DNA2: variants seen among roughly 807,000 people sequenced by gnomAD.
DNA2 encodes the protein DNA replication ATP-dependent helicase/nuclease DNA2.
Under a neutral mutation model 119.1 loss-of-function variants are expected in DNA2, and 101 were observed. The observed-to-expected ratio is 0.85, with a 90% CI of 0.72 to 1.00. The LOEUF is 1.00. Ranked by LOEUF, DNA2 falls within the 50% of genes least tolerant of loss-of-function variation. DNA2 has a pLI of 0.00. For missense variants in DNA2, 1,121 were observed against 1,255.5 expected (o/e 0.89, Z 1.62); for synonymous variants, 366 against 424.4 (o/e 0.86, Z 1.69).
chr10:68,415,023 C>T lies in DNA2; in HGVS notation c.*16G>A, dbSNP rs955655395. On this transcript the variant is annotated 3_prime_UTR_variant, in exon 21 of 21. Transcript: ENST00000358410. ...GAGATACTGCCCTAGTATGAAAAGG[C>T]AAGGGAAATAGTGTTTTATTCTCTT... is the stretch of plus-strand genomic sequence containing the variant. 3.9e-6 allele frequency: 6 copies of T among 1,552,498 alleles called. No homozygotes were observed. The highest frequency in any genetic ancestry group is 5.3e-6 in the Non-Finnish European group (6 of 1,140,236).
At chr10:68,445,122 TAA>T in intron 7 of DNA2, 39 bp from the exon 8 acceptor site, 1 of 1,538,734 alleles carries the variant, frequency 6.5e-7, no homozygotes, top group Non-Finnish European at 8.8e-7. Flanking sequence ...AAGAGTTAAA[TAA>T]AGTTTATCAT....
chr10:68,434,084 G>C (rs2051856049), intron 10 of DNA2, among the ~76,000 whole-genome samples: 1 of 152,092 alleles, frequency 6.6e-6, no homozygotes, highest in South Asian at 2.1e-4. Context: ...GGACCAGCCT[G>C]GACAACATAG....
At position 68,422,781 on chromosome 10, in the gene DNA2, A is replaced by C; in HGVS notation, c.2318T>G (p.Leu773Arg). 6.2e-7 allele frequency: 1 copy of C among 1,610,914 alleles called. No homozygotes were observed. The highest frequency in any genetic ancestry group is 2.2e-5 in the East Asian group (1 of 44,872). The change falls in exon 15 of 21, where the codon CTG (leucine) becomes CGG (arginine). Residue 773 changes from leucine to arginine, a missense_variant. By Grantham distance (102) the Leu-to-Arg change is moderately radical. Coordinates refer to ENST00000358410, the MANE Select transcript of DNA2 (RefSeq NM_001080449.3). ...TCTCCGTGAAAAAAAAAGGGGGCCC[A>C]GACAAATTGGTTGGCTAATTTGAGA... ...EASQISQPIC[L>R]GPLFFSRRFV...
chr10:68,472,103 G>A (rs571778294), upstream of DNA2: 10 of 1,522,030 alleles, frequency 6.6e-6, no homozygotes, highest in African/African-American at 4.2e-5. Flanking sequence ...CTTAGGACTG[G>A]GAATACAGGG....
At chr10:68,447,561 C>T (rs78353373) in intron 6 of DNA2, among the ~76,000 whole-genome samples, 13,107 of 147,646 alleles carry the variant, frequency 0.089, 893 homozygotes, top group South Asian at 0.24. Context: ...TGGTGATGTG[C>T]GTCCATAGTC....
chr10:68,419,730 G>C (rs760139572), intron 18 of DNA2, 73 bp downstream of exon 18: 9 of 1,139,304 alleles, frequency 7.9e-6, no homozygotes, highest in Non-Finnish European at 1.2e-5. Flanking sequence ...ATGCCAGATT[G>C]TAAGTGTCTT....
At chr10:68,424,527 A>G (rs2133365781) in intron 14 of DNA2, 2 of 710,194 alleles carry the variant, frequency 2.8e-6, no homozygotes, top group Non-Finnish European at 5.1e-6. Context: ...AAAACAAAAC[A>G]GGCCTGAGGC....
intron 4 of DNA2, 40 bp downstream of exon 4, chr10:68,465,627 T>C: frequency 1.4e-6 from 2 of 1,423,096 alleles, no homozygotes; most frequent in Non-Finnish European, 1.9e-6. Flanking sequence ...AGAAGTTATA[T>C]AATAAAATTA....
intron 14 of DNA2, among the ~76,000 whole-genome samples, chr10:68,427,762 G>A (rs1001909670): frequency 1.3e-5 from 2 of 151,690 alleles, no homozygotes; most frequent in Non-Finnish European, 1.5e-5. Context: ...AGCTGGGCAC[G>A]GTGGCTCATG....
Position 68,422,733 on chromosome 10 carries a change from T to C in DNA2, c.2366A>G (p.Gln789Arg). 6.2e-7 allele frequency: 1 copy of C among 1,611,982 alleles called. No homozygotes were observed. The highest frequency in any genetic ancestry group is 8.5e-7 in the Non-Finnish European group (1 of 1,179,392). ...SRRFVLVGDH[Q>R]QLPPLVLNRE... Reference sequence around the variant, plus strand: ...GTTTAGCACCAGGGGAGGAAGCTGCTGATGGTCCCCCACTAACACAAATCT... The same window carrying C: ...GTTTAGCACCAGGGGAGGAAGCTGCCGATGGTCCCCCACTAACACAAATCT... Residue 789 changes from glutamine to arginine, a missense_variant, in exon 15 of 21, where the codon CAG becomes CGG. Transcript: ENST00000358410.
At chr10:68,464,433 T>G (rs1460466915) in intron 4 of DNA2, among the ~76,000 whole-genome samples, 3 of 151,852 alleles carry the variant, frequency 2.0e-5, no homozygotes, top group African/African-American at 7.3e-5. Flanking sequence ...GAAAATTGCT[T>G]GAACCCGGGA....
chr10:68,419,727 A>G, intron 18 of DNA2, 76 bp downstream of exon 18: 1 of 1,124,454 alleles, frequency 8.9e-7, no homozygotes, highest in Non-Finnish European at 1.3e-6. Flanking sequence ...TTAATGCCAG[A>G]TTGTAAGTGT....
At chr10:68,437,343 A>C in intron 9 of DNA2, 102 bp from the exon 10 acceptor site, 2 of 1,028,864 alleles carry the variant, frequency 1.9e-6, no homozygotes, top group East Asian at 2.5e-5. Flanking sequence ...ACTCCTAAAA[A>C]TTATTATTGA....
intron 4 of DNA2, among the ~76,000 whole-genome samples, chr10:68,463,694 T>TA (rs35663858): frequency 0.18 from 26,726 of 151,142 alleles, 2,885 homozygotes; most frequent in African/African-American, 0.31. Flanking sequence ...AGATACAACT[T>TA]ACAATTTTTC....
At chr10:68,437,589 G>A (rs1478007263) in intron 9 of DNA2, among the ~76,000 whole-genome samples, 1 of 152,016 alleles carries the variant, frequency 6.6e-6, no homozygotes, top group African/African-American at 2.4e-5. Context: ...GGTGAAAGTT[G>A]CAGTGAGCCA....
At chr10:68,451,993 T>C (rs1017718106) in intron 5 of DNA2, among the ~76,000 whole-genome samples, 61 of 152,266 alleles carry the variant, frequency 4.0e-4, no homozygotes, top group African/African-American at 1.1e-3. Context: ...ATGCTTCAAA[T>C]ATAATCTCAT....
intron 14 of DNA2, among the ~76,000 whole-genome samples, chr10:68,423,757 A>G (rs2051697230): frequency 4.6e-5 from 7 of 152,208 alleles, no homozygotes; most frequent in Admixed American, 4.6e-4. Context: ...AGACCACATC[A>G]GAAGCCTAGA....
intron 14 of DNA2, among the ~76,000 whole-genome samples, chr10:68,426,442 G>A (rs1165663314): frequency 1.3e-5 from 2 of 152,140 alleles, no homozygotes; most frequent in East Asian, 3.8e-4. Context: ...AAAGGCTGAG[G>A]CAGGAGAATC....
At chr10:68,428,220 G>C (rs775987811) in intron 14 of DNA2, among the ~76,000 whole-genome samples, 2 of 151,370 alleles carry the variant, frequency 1.3e-5, no homozygotes, top group African/African-American at 4.9e-5. Context: ...CCAGCTACTC[G>C]GGAGGCTGAG....
Sources: gnomAD v4.1 joint callset for allele counts (sites outside exome capture counted in the v4.1 genomes callset) on GRCh38, gnomAD v4.1.1 for gene constraint, MANE v1.5 for transcripts, NCBI Gene and HGNC (gene_info 2026-07-23, HGNC 2026-07-21) for gene names.